The following SLMAP variants were observed in gnomAD, a reference collection of about 807,000 sequenced individuals.
The protein encoded by SLMAP is sarcolemmal membrane-associated protein.
In SLMAP, 44 loss-of-function variants were observed where a neutral mutation model predicts 128.8. That is an observed-to-expected ratio of 0.34 (90% confidence interval 0.27 to 0.44). The LOEUF (loss-of-function observed/expected upper bound fraction) is 0.44. Ranked by LOEUF, SLMAP falls within the 20% of genes least tolerant of loss-of-function variation. The pLI, the probability that SLMAP is intolerant of heterozygous loss-of-function variation, is 1.00. For synonymous variants in SLMAP, 327 were observed against 348.8 expected, an observed-to-expected ratio of 0.94 and a Z score of 0.70; for missense variants, 787 against 985.3, an observed-to-expected ratio of 0.80 and a Z score of 2.69.
In SLMAP at chr3:57,927,462, C is replaced by G. The variant is rs1329809858; in HGVS notation, c.*173C>G. 5 of 798,824 alleles carry G rather than the reference C, an allele frequency of 6.3e-6. No individual in the cohort carries two copies. Among genetic ancestry groups the G allele is most frequent in the African/African-American group, 3.4e-5 (2 of 59,172 alleles). 49.5% of individuals were successfully genotyped at this position (798,824 alleles called of 1,614,324 possible). ...ACACTCATGCTGGGGACAAACAGAA[C>G]CATTTTCTTCCTCTTTACCTCTTAA... On this transcript the variant is annotated 3_prime_UTR_variant, in exon 25 of 25. Coordinates refer to ENST00000671191, the MANE Select transcript of SLMAP (RefSeq NM_001377540.1).
At chr3:57,877,831 CTT>C (rs57685937) in intron 14 of SLMAP, among the ~76,000 whole-genome samples, 15 of 111,624 alleles carry the variant, frequency 1.3e-4, no homozygotes, top group Admixed American at 1.9e-4. Flanking sequence ...TTTTTTCCTT[CTT>C]TTTTTTTTTT....
chr3:57,875,493 C>G (rs1423170916), intron 14 of SLMAP, among the ~76,000 whole-genome samples: 1 of 152,188 alleles, frequency 6.6e-6, no homozygotes, highest in Admixed American at 6.5e-5. Flanking sequence ...CCAGCCTGGG[C>G]TACAGAGCAA....
intron 3 of SLMAP, among the ~76,000 whole-genome samples, chr3:57,833,688 G>C (rs530242757): frequency 1.0e-3 from 156 of 152,046 alleles, no homozygotes; most frequent in African/African-American, 3.6e-3. Context: ...AAAGTGCTGG[G>C]ATTACAGGCT....
At chr3:57,810,905 C>T (rs934497794) in intron 2 of SLMAP, among the ~76,000 whole-genome samples, 6 of 152,160 alleles carry the variant, frequency 3.9e-5, no homozygotes, top group Admixed American at 3.9e-4. Context: ...TGCTCCATGT[C>T]CTTGGACCTG....
intron 2 of SLMAP, among the ~76,000 whole-genome samples, chr3:57,775,681 C>A (rs2081777768): frequency 6.6e-6 from 1 of 151,774 alleles, no homozygotes; most frequent in African/African-American, 2.4e-5. Flanking sequence ...CAGAACAAGA[C>A]CCTATCTCAA....
intron 2 of SLMAP, among the ~76,000 whole-genome samples, chr3:57,758,720 G>T (rs190571769): frequency 6.6e-6 from 1 of 152,246 alleles, no homozygotes; most frequent in African/African-American, 2.4e-5. Context: ...ACATGTATGT[G>T]CTTTTATTTT....
At chr3:57,897,917 T>G (rs2096278384) in intron 17 of SLMAP, 1 of 152,238 alleles carries the variant, frequency 6.6e-6, no homozygotes, top group Admixed American at 6.5e-5. Flanking sequence ...GTCTCTTTTA[T>G]GTTGCCTTAT....
intron 14 of SLMAP, among the ~76,000 whole-genome samples, chr3:57,873,095 T>C (rs1405244059): frequency 6.6e-6 from 1 of 152,246 alleles, no homozygotes; most frequent in Admixed American, 6.5e-5. Context: ...TTTCATTTAA[T>C]AGTTTTCACA....
chr3:57,759,704 G>A (rs2078239761), intron 2 of SLMAP, among the ~76,000 whole-genome samples: 1 of 152,120 alleles, frequency 6.6e-6, no homozygotes. Context: ...ATGTTCTTGG[G>A]CAACAGGTCT....
chr3:57,897,653 A>G (rs2096273379), intron 17 of SLMAP: 1 of 151,966 alleles, frequency 6.6e-6, no homozygotes, highest in Non-Finnish European at 1.5e-5. Flanking sequence ...AGGTCATGCC[A>G]TTGCACTCCA....
chr3:57,806,741 A>G (rs2089970367), intron 2 of SLMAP, among the ~76,000 whole-genome samples: 1 of 152,096 alleles, frequency 6.6e-6, no homozygotes, highest in African/African-American at 2.4e-5. Context: ...TGCCTGTACC[A>G]CATTTTATTT....
intron 2 of SLMAP, among the ~76,000 whole-genome samples, chr3:57,784,670 CTT>C (rs369627914): frequency 3.3e-5 from 5 of 152,258 alleles, no homozygotes; most frequent in African/African-American, 1.2e-4. Flanking sequence ...GGGATGGAAT[CTT>C]TGCATTTTGC....
At position 57,791,333 on chromosome 3, in the gene SLMAP, C is replaced by A. The variant is rs150218058; in HGVS notation, c.198+33484C>A. 1.4e-3 allele frequency among the ~76,000 whole-genome samples: 206 copies of A among 151,836 alleles called. 1 individual carries two copies. The highest frequency in any genetic ancestry group is 4.3e-3 in the African/African-American group (179 of 41,396). On this transcript the variant is annotated intron_variant, in intron 2 of 24. Transcript: ENST00000671191. ...CGAGACTGCACCACTGCACTCAAGC[C>A]TGGGCAACAGAGACTCCATCTCAAA... is the stretch of plus-strand genomic sequence containing the variant.
chr3:57,906,300 C>CTTTTTTTTCTTTTTTTTTTTTTTTT (rs2096541411), intron 17 of SLMAP, among the ~76,000 whole-genome samples: 2 of 71,290 alleles, frequency 2.8e-5, no homozygotes, highest in African/African-American at 4.8e-5. Flanking sequence ...AAATTTTTTT[C>CTTTTTTTTCTTTTTTTTTTTTTTTT]TTTTTTTTTC....
At chr3:57,783,335 G>A (rs1473576926) in intron 2 of SLMAP, among the ~76,000 whole-genome samples, 1 of 152,206 alleles carries the variant, frequency 6.6e-6, no homozygotes, top group Admixed American at 6.5e-5. Context: ...TCAGATGGAA[G>A]AGAGAAATAT....
rs1182553972 is a variant in SLMAP at position 57,860,851 on chromosome 3, A to G, written c.828+12A>G. The stretch of plus-strand genomic sequence containing the variant: ...TTTCAGAAGTTGAGGTATTTCAATC[A>G]AAAAAAAAATACTAAATAGTATTAT... On this transcript the variant is annotated intron_variant, in intron 9 of 24. Coordinates refer to ENST00000671191, the MANE Select transcript of SLMAP (RefSeq NM_001377540.1). The G allele has an allele frequency of 3.3e-6, 4 of 1,214,382 alleles. No homozygotes were observed. In the African/African-American group the frequency reaches 6.4e-5, roughly 19 times the overall value. The allele number at this position is 1,214,382 out of a possible 1,614,324, so 75.2% of individuals were successfully genotyped here.
chr3:57,780,070 A>G lies in SLMAP; in HGVS notation c.198+22221A>G, dbSNP rs566503787. 9.8e-4 allele frequency among the ~76,000 whole-genome samples: 149 copies of G among 152,218 alleles called. 1 individual carries two copies. Among genetic ancestry groups the G allele is most frequent in the Non-Finnish European group, 1.7e-3 (113 of 68,020 alleles). On this transcript the variant is annotated intron_variant, in intron 2 of 24. Transcript: ENST00000671191. ...ATGTAAGAACATAACCTCCCTAACTATATTTACATTCTAAATGGAATTTTA... is the reference window on the plus strand; with the variant it reads ...ATGTAAGAACATAACCTCCCTAACTGTATTTACATTCTAAATGGAATTTTA...
At chr3:57,758,922 C>G (rs555515991) in intron 2 of SLMAP, among the ~76,000 whole-genome samples, 1 of 152,168 alleles carries the variant, frequency 6.6e-6, no homozygotes, top group South Asian at 2.1e-4. Flanking sequence ...GACTTTTTGC[C>G]CCTCTTTCTG....
At chr3:57,827,981 C>T (rs1339160690) in intron 2 of SLMAP, among the ~76,000 whole-genome samples, 1 of 152,226 alleles carries the variant, frequency 6.6e-6, no homozygotes, top group Non-Finnish European at 1.5e-5. Flanking sequence ...GAGTCTCACT[C>T]TATTGCCCAG....
Sources: allele counts gnomAD v4.1 joint callset (sites outside exome capture counted in the v4.1 genomes callset), GRCh38; gene constraint gnomAD v4.1.1; transcripts MANE v1.5; gene names NCBI Gene and HGNC (gene_info 2026-07-23, HGNC 2026-07-21).